LSS: variants seen among roughly 807,000 people sequenced by gnomAD.
LSS encodes the protein 2,3-epoxysqualene-lanosterol cyclase.
A neutral mutation model predicts 110.3 loss-of-function variants in LSS; 90 were observed. That is an observed-to-expected ratio of 0.82 (90% confidence interval 0.69 to 0.97). LSS has a LOEUF of 0.97. Among genes scored for constraint, LSS ranks in the 50% least tolerant of loss-of-function variants. The pLI is 0.00. For missense variants in LSS, 927 were observed against 990.0 expected, an observed-to-expected ratio of 0.94 and a Z score of 0.85; for synonymous variants, 433 against 400.0, an observed-to-expected ratio of 1.08 and a Z score of -0.98.
rs1053880813 is a variant in LSS at position 46,219,409 on chromosome 21, G to A, written c.647+67C>T. On this transcript the variant is annotated intron_variant, in intron 6 of 21. Transcript: ENST00000397728. ...CTGTCACAGCCTGCACCTGACCCAC[G>A]GTCCCTGTCACTCTACTCCCCGGGA... 62 of 1,001,310 alleles carry A rather than the reference G, an allele frequency of 6.2e-5. No homozygotes were observed. The East Asian group carries it at 1.9e-3, about 30-fold the overall frequency. 62.0% of individuals were successfully genotyped at this position (1,001,310 alleles called of 1,614,324 possible).
Position 46,209,743 on chromosome 21 carries a change from G to T in LSS, c.1195-118C>A. The T allele has an allele frequency of 1.3e-6, 1 of 795,834 alleles. No homozygotes were observed. Among genetic ancestry groups the T allele is most frequent in the Non-Finnish European group, 2.1e-6 (1 of 480,176 alleles). The allele number at this position is 795,834 out of a possible 1,614,324, so 49.3% of individuals were successfully genotyped here. ...CCAACCGGGGACCAGAATCAAACCA[G>T]CAGACATCTCCAGAGAGTGCCAGGG... On this transcript the variant is annotated intron_variant, in intron 12 of 21. Transcript: ENST00000397728. This position sits in a 1 kb window ranked among gnomAD's most constrained non-coding sequence, Gnocchi z 4.4.
chr21:46,210,397 G>A (rs868259719), intron 12 of LSS, among the ~76,000 whole-genome samples: 98 of 152,066 alleles, frequency 6.4e-4, no homozygotes, highest in African/African-American at 2.2e-3. Flanking sequence ...AGAGCCTGGA[G>A]TCCCACTCCT....
In LSS at chr21:46,207,512, C is replaced by T; in HGVS notation, c.1383G>A (p.Leu461=). 6.2e-7 allele frequency: 1 copy of T among 1,612,344 alleles called. No individual in the cohort carries two copies. The highest frequency in any genetic ancestry group is 8.5e-7 in the Non-Finnish European group (1 of 1,179,420). ...WIVSDCTAEA[L]KAVLLLQEKC... is the part of the protein sequence containing the mutation. ...TCTCCTGCAGGAGCAGCACAGCCTT[C>T]AAGGCCTCAGCCGTGCAGTCAGAAA... The change falls in exon 15 of 22, where the codon TTG becomes TTA. Residue 461 remains leucine, a synonymous_variant. Coordinates refer to ENST00000397728, the MANE Select transcript of LSS (RefSeq NM_002340.6).
At chr21:46,212,718 C>T (rs1323792360) in intron 11 of LSS, among the ~76,000 whole-genome samples, 1 of 152,252 alleles carries the variant, frequency 6.6e-6, no homozygotes, top group Non-Finnish European at 1.5e-5. Context: ...GAGCCACCTC[C>T]TGCCACAGTA....
chr21:46,217,896 C>T (rs1443750608), intron 6 of LSS, among the ~76,000 whole-genome samples: 2 of 152,212 alleles, frequency 1.3e-5, no homozygotes, highest in Non-Finnish European at 2.9e-5. Flanking sequence ...GCTCTACGGC[C>T]CGCCTCAGGT....
Position 46,222,649 on chromosome 21 carries a change from G to A in LSS, c.409C>T (p.Pro137Ser), listed in dbSNP as rs866474083. The change falls in exon 4 of 22, where the codon CCT (proline) becomes TCT (serine). Residue 137 changes from proline to serine, a missense_variant. Transcript: ENST00000397728. ...ACTCACAGGCCCCAGCCACCGTCAG[G>A]GAGCTGCACTGACCGCAGGTACCGC... ...IVRYLRSVQL[P>S]DGGWGLHIED... 1 of 1,613,612 alleles carries A rather than the reference G, an allele frequency of 6.2e-7. No homozygotes were observed. The highest frequency in any genetic ancestry group is 8.5e-7 in the Non-Finnish European group (1 of 1,179,990).
chr21:46,207,591 G>A lies in LSS; in HGVS notation c.1318-14C>T. ...GGAGAAGCCACCCTGCAGAGCACAA[G>A]CCATGACTCCAGGCTGGGGGTGTCC... On this transcript the variant is annotated splice_polypyrimidine_tract_variant and intron_variant, in intron 14 of 21. Transcript: ENST00000397728. The A allele has an allele frequency of 2.5e-6, 4 of 1,605,928 alleles. 1 individual carries two copies. In the South Asian group the frequency reaches 3.3e-5, roughly 13 times the overall value.
intron 14 of LSS, among the ~76,000 whole-genome samples, 154 bp downstream of exon 14, chr21:46,208,097 C>A (rs908845803): frequency 1.3e-5 from 2 of 152,234 alleles, no homozygotes; most frequent in African/African-American, 4.8e-5. Context: ...GAAGCATGAG[C>A]CCCTAGGCCA....
At position 46,189,723 on chromosome 21, in the gene LSS, GC is replaced by G. The variant is rs1229055317; in HGVS notation, c.*1380del. The G allele has an allele frequency of 1.1e-5, 5 of 456,850 alleles. No individual in the cohort carries two copies. The highest frequency in any genetic ancestry group is 1.3e-5 in the Non-Finnish European group (3 of 226,944). 28.3% of individuals were successfully genotyped at this position (456,850 alleles called of 1,614,324 possible). On this transcript the variant is annotated 3_prime_UTR_variant, in exon 22 of 22. Coordinates refer to ENST00000397728, the MANE Select transcript of LSS (RefSeq NM_002340.6). ...CAGCCAGGGGGAGAGGCCAGGGACTGCTACCTGCCCAGAAGGCGGCAGGGAG... is the reference window on the plus strand; with the variant it reads ...CAGCCAGGGGGAGAGGCCAGGGACTGTACCTGCCCAGAAGGCGGCAGGGAG...
chr21:46,224,469 C>T (rs560703089), intron 3 of LSS, among the ~76,000 whole-genome samples: 10 of 152,238 alleles, frequency 6.6e-5, no homozygotes, highest in Non-Finnish European at 1.0e-4. Flanking sequence ...AGAGACCCAC[C>T]GACCCTGTGG....
At chr21:46,213,088 A>G in intron 10 of LSS, 36 bp from the exon 11 acceptor site, 1 of 1,609,356 alleles carries the variant, frequency 6.2e-7, no homozygotes. Flanking sequence ...AGGTGCAAGG[A>G]GAAAGCTGGA....
intron 3 of LSS, 88 bp downstream of exon 3, chr21:46,227,464 T>C (rs1417826466): frequency 1.3e-6 from 2 of 1,507,024 alleles, no homozygotes; most frequent in Middle Eastern, 2.1e-4. Context: ...TTTCACCTGC[T>C]TCATCAAAAC....
At chr21:46,202,965 T>C (rs1469265141) in intron 17 of LSS, among the ~76,000 whole-genome samples, 1 of 152,244 alleles carries the variant, frequency 6.6e-6, no homozygotes, top group Non-Finnish European at 1.5e-5. Context: ...ATTGCTCCCC[T>C]GCGGGCCACA....
intron 5 of LSS, among the ~76,000 whole-genome samples, chr21:46,220,758 G>A (rs2123755815): frequency 6.6e-6 from 1 of 152,064 alleles, no homozygotes; most frequent in East Asian, 1.9e-4. Flanking sequence ...GCCGGGCATG[G>A]AGAGGTAGCC....
At chr21:46,199,449 T>C (rs1181948338) in intron 17 of LSS, among the ~76,000 whole-genome samples, 1 of 152,210 alleles carries the variant, frequency 6.6e-6, no homozygotes, top group Non-Finnish European at 1.5e-5. Flanking sequence ...AAGATACAGT[T>C]TGGCAGCTTC....
chr21:46,207,673 C>A, intron 14 of LSS, 96 bp from the exon 15 acceptor site: 3 of 1,414,464 alleles, frequency 2.1e-6, no homozygotes, highest in East Asian at 4.9e-5. Context: ...CACCACAGAG[C>A]ACCCGGTCAG....
At position 46,215,779 on chromosome 21, in the gene LSS, C is replaced by G; in HGVS notation, c.798G>C (p.Glu266Asp). The G allele has an allele frequency of 6.2e-7, 1 of 1,611,268 alleles. No individual in the cohort carries two copies. The highest frequency in any genetic ancestry group is 8.5e-7 in the Non-Finnish European group (1 of 1,178,296). Residue 266 changes from glutamate (E) to aspartate (D), a missense_variant, in exon 8 of 22, where the codon GAG (glutamate) becomes GAC (aspartate). By Grantham distance (45) the Glu-to-Asp change is conservative. Coordinates refer to ENST00000397728, the MANE Select transcript of LSS (RefSeq NM_002340.6). Reference sequence around the variant, plus strand: ...CCAGCCAGTCAATGCTGGCGAAGTCCTCCACATAGAGCTCCTGGTGGGGGC... The same window carrying G: ...CCAGCCAGTCAATGCTGGCGAAGTCGTCCACATAGAGCTCCTGGTGGGGGC... ...VQSLRQELYV[E>D]DFASIDWLAQ... is the part of the protein sequence containing the mutation.
In LSS at chr21:46,189,058, G is replaced by A. The variant is rs555994002; in HGVS notation, c.*2046C>T. On this transcript the variant is annotated 3_prime_UTR_variant, in exon 22 of 22. Coordinates refer to ENST00000397728, the MANE Select transcript of LSS (RefSeq NM_002340.6). ...CCCACTCGCCCCACAGGCAGGTGAC[G>A]TATGACAGCCAGAAACCCCAAATCT... 6.1e-5 allele frequency: 17 copies of A among 277,842 alleles called. No homozygotes were observed. Among genetic ancestry groups the A allele is most frequent in the South Asian group, 4.8e-4 (13 of 27,170 alleles). The allele number at this position is 277,842 out of a possible 1,614,324, so 17.2% of individuals were successfully genotyped here. A position where few individuals can be genotyped will look rare whatever the true frequency, so the allele number is the denominator to read the frequency against.
At chr21:46,218,399 G>C (rs1041409057) in intron 6 of LSS, among the ~76,000 whole-genome samples, 4 of 152,112 alleles carry the variant, frequency 2.6e-5, no homozygotes, top group Non-Finnish European at 5.9e-5. Context: ...CAAGGCAGGC[G>C]GATCACCTGA....
Sources: gnomAD v4.1 joint callset for allele counts (sites outside exome capture counted in the v4.1 genomes callset) on GRCh38, gnomAD v4.1.1 for gene constraint, Gnocchi (gnomAD v3.1) non-coding constraint, MANE v1.5 for transcripts, NCBI Gene and HGNC (gene_info 2026-07-23, HGNC 2026-07-21) for gene names.